Variants in EPB41L4B observed in about 807,000 individuals in gnomAD.
The protein encoded by EPB41L4B is band 4.1-like protein 4B.
Under a neutral mutation model 112.5 loss-of-function variants are expected in EPB41L4B, and 30 were observed. That is an observed-to-expected ratio of 0.27 (90% confidence interval 0.20 to 0.36). EPB41L4B has a LOEUF of 0.36. Among genes scored for constraint, EPB41L4B ranks in the 10% least tolerant of loss-of-function variants. The pLI, the probability that EPB41L4B is intolerant of heterozygous loss-of-function variation, is 1.00. For synonymous variants in EPB41L4B, 408 were observed against 439.7 expected, an observed-to-expected ratio of 0.93 and a Z score of 0.90; for missense variants, 1,024 against 1,133.3, an observed-to-expected ratio of 0.90 and a Z score of 1.38.
chr9:109,257,556 G>A (rs908213553), intron 7 of EPB41L4B, among the ~76,000 whole-genome samples: 3 of 152,212 alleles, frequency 2.0e-5, no homozygotes, highest in Non-Finnish European at 2.9e-5. Context: ...AGGTCCCAGA[G>A]ATGCAGGTAT....
chr9:109,285,232 AAAATGAAGAGGGTTAGCCTAAGT>A (rs1157196016), intron 1 of EPB41L4B, among the ~76,000 whole-genome samples: 1 of 152,248 alleles, frequency 6.6e-6, no homozygotes, highest in Admixed American at 6.5e-5. Context: ...CTACTTACGT[AAAATGAAGAGGGTTAGCCTAAGT>A]TTCTGTCTAG....
rs1296755218 is a variant in EPB41L4B at position 109,267,630 on chromosome 9, C to T, written c.455-79G>A. The T allele has an allele frequency of 8.5e-5, 79 of 926,154 alleles. 1 individual carries two copies. In the Middle Eastern group the frequency reaches 1.1e-3, roughly 12 times the overall value. The allele number at this position is 926,154 out of a possible 1,614,324, so 57.4% of individuals were successfully genotyped here. Reference sequence around the variant, plus strand: ...CACAGGATGGACAAAAGGGAAAGCACGTTAAATCTATAACATTTAGCACAA... The same window carrying T: ...CACAGGATGGACAAAAGGGAAAGCATGTTAAATCTATAACATTTAGCACAA... On this transcript the variant is annotated intron_variant, in intron 3 of 25. Coordinates refer to ENST00000374566, the MANE Select transcript of EPB41L4B (RefSeq NM_019114.5).
chr9:109,301,722 G>A (rs1836974867), intron 1 of EPB41L4B, among the ~76,000 whole-genome samples: 2 of 152,140 alleles, frequency 1.3e-5, no homozygotes, highest in Admixed American at 1.3e-4. Flanking sequence ...CATACTTCCT[G>A]TGCCATCTTA....
intron 13 of EPB41L4B, among the ~76,000 whole-genome samples, chr9:109,249,468 A>G (rs1834697924): frequency 6.6e-6 from 1 of 151,784 alleles, no homozygotes; most frequent in South Asian, 2.1e-4. Context: ...ATTTGTTCCT[A>G]AAGGGTATAT....
chr9:109,244,434 CTTTTTTTTTTT>C (rs573807379), intron 14 of EPB41L4B, among the ~76,000 whole-genome samples: 9 of 48,514 alleles, frequency 1.9e-4, no homozygotes, highest in Admixed American at 3.4e-4. Flanking sequence ...TGAAGGTTGT[CTTTTTTTTTTT>C]TTTTTTTTTT....
At chr9:109,266,469 T>A (rs796822100) in intron 4 of EPB41L4B, among the ~76,000 whole-genome samples, 99 of 152,234 alleles carry the variant, frequency 6.5e-4, no homozygotes, top group African/African-American at 2.4e-3. Flanking sequence ...GCAGCCTACA[T>A]AGCCTATATG....
chr9:109,190,354 T>C (rs935018914), intron 22 of EPB41L4B, among the ~76,000 whole-genome samples: 5 of 152,232 alleles, frequency 3.3e-5, no homozygotes, highest in Non-Finnish European at 5.9e-5. Flanking sequence ...CTGACATTCA[T>C]GCCCGTAAAG....
At chr9:109,313,812 A>G (rs1837515395) in intron 1 of EPB41L4B, among the ~76,000 whole-genome samples, 1 of 152,190 alleles carries the variant, frequency 6.6e-6, no homozygotes, top group African/African-American at 2.4e-5. Flanking sequence ...ATCCTTATTC[A>G]ACTGTGCTGA....
chr9:109,257,093 G>T (rs1032257078), intron 7 of EPB41L4B, among the ~76,000 whole-genome samples: 11 of 152,346 alleles, frequency 7.2e-5, no homozygotes, highest in Admixed American at 2.0e-4. Flanking sequence ...GAGTGGATGT[G>T]TAAGTGTGTG....
chr9:109,255,747 G>C (rs747740739), intron 10 of EPB41L4B, 27 bp downstream of exon 10: 1 of 1,612,636 alleles, frequency 6.2e-7, no homozygotes, highest in Non-Finnish European at 8.5e-7. Flanking sequence ...TTCACAGCAA[G>C]GGGGAAGAAA....
intron 6 of EPB41L4B, among the ~76,000 whole-genome samples, chr9:109,258,815 G>A (rs977862414): frequency 6.6e-6 from 1 of 152,140 alleles, no homozygotes; most frequent in South Asian, 2.1e-4. Context: ...GAGGAGGGGT[G>A]CGAGGGCTGC....
intron 1 of EPB41L4B, among the ~76,000 whole-genome samples, chr9:109,303,358 G>A (rs751684402): frequency 1.4e-4 from 21 of 151,922 alleles, no homozygotes; most frequent in Admixed American, 2.6e-4. Context: ...TTGGGGGGCG[G>A]GTTTTGAGAC....
At position 109,172,810 on chromosome 9, in the gene EPB41L4B, T is replaced by C. The variant is rs1189906479; in HGVS notation, c.*1744A>G. On this transcript the variant is annotated 3_prime_UTR_variant, in exon 26 of 26. Coordinates refer to ENST00000374566, the MANE Select transcript of EPB41L4B (RefSeq NM_019114.5). Reference sequence around the variant, plus strand: ...TCGGTTATCTGAATATTCACATACATTCCTCATTTTACAACAATACTAGTA... The same window carrying C: ...TCGGTTATCTGAATATTCACATACACTCCTCATTTTACAACAATACTAGTA... 1.3e-5 allele frequency: 2 copies of C among 152,640 alleles called. No individual in the cohort carries two copies. The highest frequency in any genetic ancestry group is 2.9e-5 in the Non-Finnish European group (2 of 68,034). 9.5% of individuals were successfully genotyped at this position (152,640 alleles called of 1,614,324 possible).
At chr9:109,299,910 C>T (rs982794943) in intron 1 of EPB41L4B, among the ~76,000 whole-genome samples, 1 of 152,208 alleles carries the variant, frequency 6.6e-6, no homozygotes, top group Non-Finnish European at 1.5e-5. Flanking sequence ...CCCGCACTCA[C>T]AGCAGAGCTT....
rs1468563608 is a variant in EPB41L4B at position 109,240,516 on chromosome 9, G to C, written c.1409+3102C>G. The C allele has an allele frequency of 3.0e-6, 3 of 985,114 alleles. No individual in the cohort carries two copies. In the African/African-American group the frequency reaches 5.2e-5, roughly 17 times the overall value. The allele number at this position is 985,114 out of a possible 1,614,324, so 61.0% of individuals were successfully genotyped here. On this transcript the variant is annotated intron_variant, in intron 15 of 25. Coordinates refer to ENST00000374566, the MANE Select transcript of EPB41L4B (RefSeq NM_019114.5). ...GGCACAAGAATCAACTGATTTCACA[G>C]AAATACTAATAAAACATTTCAGGTC...
intron 15 of EPB41L4B, chr9:109,239,788 C>T (rs1357951817): frequency 1.0e-6 from 1 of 979,926 alleles, no homozygotes; most frequent in Non-Finnish European, 1.2e-6. Flanking sequence ...TTTCCAGGAG[C>T]CCACAGATAA....
chr9:109,268,157 T>A (rs1423502176), intron 3 of EPB41L4B, among the ~76,000 whole-genome samples: 1 of 152,202 alleles, frequency 6.6e-6, no homozygotes, highest in East Asian at 1.9e-4. Context: ...GGCAGAGGCG[T>A]CTGATTTCAA....
At chr9:109,257,090 T>A (rs1009615155) in intron 7 of EPB41L4B, among the ~76,000 whole-genome samples, 1 of 152,196 alleles carries the variant, frequency 6.6e-6, no homozygotes, top group Non-Finnish European at 1.5e-5. Flanking sequence ...GGAGAGTGGA[T>A]GTGTAAGTGT....
chr9:109,313,590 A>G (rs921685541), intron 1 of EPB41L4B, among the ~76,000 whole-genome samples: 3 of 152,152 alleles, frequency 2.0e-5, no homozygotes, highest in African/African-American at 7.2e-5. Context: ...CATCAACAAG[A>G]CCTTTAACCT....
Sources: allele counts gnomAD v4.1 joint callset (sites outside exome capture counted in the v4.1 genomes callset), GRCh38; gene constraint gnomAD v4.1.1; transcripts MANE v1.5; gene names NCBI Gene and HGNC (gene_info 2026-07-23, HGNC 2026-07-21).